ADAMTSL1: variants seen among roughly 807,000 people sequenced by gnomAD.
ADAMTSL1 encodes the protein ADAMTS-like protein 1.
ADAMTSL1 carries 126 observed loss-of-function variants against 201.8 expected under a neutral mutation model. The ratio of observed to expected loss-of-function variants is 0.62; its 90% CI spans 0.54 to 0.72. ADAMTSL1 has a LOEUF of 0.72. ADAMTSL1 is among the 30% of genes least tolerant of loss of function. The probability of loss-of-function intolerance (pLI) is 0.00; values close to 1 mark genes in which losing one functional copy is unlikely to be tolerated. For missense variants in ADAMTSL1, 2,679 were observed against 2,277.8 expected (o/e 1.18, Z -3.59); for synonymous variants, 1,121 against 903.4 (o/e 1.24, Z -4.32).
chr9:18,598,352 G>A (rs1824405437), intron 4 of ADAMTSL1, among the ~76,000 whole-genome samples: 1 of 152,176 alleles, frequency 6.6e-6, no homozygotes, highest in South Asian at 2.1e-4. Context: ...GGGTCTTCTG[G>A]CTCCAAGTCC....
At chr9:18,626,381 A>T (rs1182933347) in intron 5 of ADAMTSL1, among the ~76,000 whole-genome samples, 1 of 152,190 alleles carries the variant, frequency 6.6e-6, no homozygotes, top group Non-Finnish European at 1.5e-5. Flanking sequence ...TTAAACAAGG[A>T]TCTAAGGGAA....
At chr9:18,829,798 G>A (rs1824858918) in intron 22 of ADAMTSL1, 45 bp from the exon 23 acceptor site, 1 of 1,612,102 alleles carries the variant, frequency 6.2e-7, no homozygotes, top group Non-Finnish European at 8.5e-7. Flanking sequence ...CCTTGACACA[G>A]CCCTGTGCTT....
rs1368672138 is a variant in ADAMTSL1 at position 18,199,026 on chromosome 9, G to A, written c.207+35045G>A. Among the ~76,000 whole-genome samples the A allele has an allele frequency of 9.6e-4, 139 of 144,310 alleles. 1 individual carries two copies. The highest frequency in any genetic ancestry group is 2.3e-3 in the Admixed American group (31 of 13,766). The allele number at this position is 144,310 out of a possible 152,430, so 94.7% of individuals were successfully genotyped here. On this transcript the variant is annotated intron_variant, in intron 2 of 29. Coordinates refer to the ADAMTSL1 transcript ENST00000680146. ...TCGCAAGAACAAAAAACCAAACACC[G>A]CATATTCTCACTCATAGGTGGGAAT...
At chr9:18,821,748 T>G (rs1295361485) in intron 21 of ADAMTSL1, among the ~76,000 whole-genome samples, 1 of 152,054 alleles carries the variant, frequency 6.6e-6, no homozygotes, top group Non-Finnish European at 1.5e-5. Flanking sequence ...CCTCCACACC[T>G]CCTAGGAAGC....
chr9:18,003,504 A>G (rs1424373109), intron 1 of ADAMTSL1, among the ~76,000 whole-genome samples: 1 of 152,028 alleles, frequency 6.6e-6, no homozygotes, highest in Non-Finnish European at 1.5e-5. Flanking sequence ...TTTCTTTCCC[A>G]TCGGCATGAC....
intron 1 of ADAMTSL1, among the ~76,000 whole-genome samples, chr9:18,155,826 G>T (rs925207489): frequency 2.6e-5 from 4 of 151,948 alleles, no homozygotes; most frequent in Non-Finnish European, 1.5e-5. Flanking sequence ...ATAGTACTTG[G>T]GTCAAAAGAA....
Position 18,235,657 on chromosome 9 carries a change from C to T in ADAMTSL1, c.207+71676C>T, listed in dbSNP as rs370473942. 3.9e-5 allele frequency among the ~76,000 whole-genome samples: 6 copies of T among 152,222 alleles called. No individual in the cohort carries two copies. In the East Asian group the frequency reaches 1.2e-3, roughly 29 times the overall value. ...TTCCATTTTATAGGTGGGGAAAACCCCACCCATGTTAAGAGAGGTTCTATA... is the reference window on the plus strand; with the variant it reads ...TTCCATTTTATAGGTGGGGAAAACCTCACCCATGTTAAGAGAGGTTCTATA... On this transcript the variant is annotated intron_variant, in intron 2 of 29. Coordinates refer to the ADAMTSL1 transcript ENST00000680146.
At position 18,777,135 on chromosome 9, in the gene ADAMTSL1, C is replaced by A. The variant is rs1369026244; in HGVS notation, c.2906C>A (p.Ala969Asp). Residue 969 changes from alanine (A) to aspartate (D), a missense_variant, in exon 19 of 29, where the codon GCC (alanine) becomes GAC (aspartate). Physicochemically the swap from Ala to Asp is moderately radical, Grantham distance 126. Coordinates refer to ENST00000380548, the MANE Select transcript of ADAMTSL1 (RefSeq NM_001040272.6). The part of the protein sequence containing the change: ...KLIGGNRKLV[A>D]RPLSPRSEEE... Reference sequence around the variant, plus strand: ...ATCGGAGGCAACCGCAAGCTCGTGGCCCGGCCCTTGAGCCCGAGAAGTGAG... The same window carrying A: ...ATCGGAGGCAACCGCAAGCTCGTGGACCGGCCCTTGAGCCCGAGAAGTGAG... 1 of 1,613,042 alleles carries A rather than the reference C, an allele frequency of 6.2e-7. No homozygotes were observed. Among genetic ancestry groups the A allele is most frequent in the Non-Finnish European group, 8.5e-7 (1 of 1,179,840 alleles).
intron 20 of ADAMTSL1, among the ~76,000 whole-genome samples, chr9:18,816,720 CTTTTTTTTTTTTTTT>C (rs751791974): frequency 1.3e-4 from 5 of 39,720 alleles, no homozygotes; most frequent in African/African-American, 2.1e-4. Flanking sequence ...AACCCTTGGT[CTTTTTTTTTTTTTTT>C]TTTTTTTTTT....
intron 7 of ADAMTSL1, among the ~76,000 whole-genome samples, chr9:18,643,817 C>A (rs982226467): frequency 3.3e-4 from 50 of 151,692 alleles, no homozygotes; most frequent in African/African-American, 1.2e-3. Flanking sequence ...TCGTATGATG[C>A]CTTTATCTTT....
chr9:18,658,123 C>T lies in ADAMTSL1; in HGVS notation c.946+373C>T, dbSNP rs1407530323. Among the ~76,000 whole-genome samples the T allele has an allele frequency of 3.9e-5, 6 of 152,100 alleles. No individual in the cohort carries two copies. The East Asian group carries it at 5.8e-4, about 15-fold the overall frequency. Reference sequence around the variant, plus strand: ...CTGAGTAGCTGGGACTGCAGGCGCCCGCCACCACGCCCGGCTAATTTTTTG... The same window carrying T: ...CTGAGTAGCTGGGACTGCAGGCGCCTGCCACCACGCCCGGCTAATTTTTTG... On this transcript the variant is annotated intron_variant, in intron 8 of 28. Coordinates refer to ENST00000380548, the MANE Select transcript of ADAMTSL1 (RefSeq NM_001040272.6).
At chr9:17,911,820 T>C (rs10963334) in intron 1 of ADAMTSL1, among the ~76,000 whole-genome samples, 22,451 of 51,540 alleles carry the variant, frequency 0.44, 9,676 homozygotes, top group Non-Finnish European at 0.83. Flanking sequence ...TATCTCCTAA[T>C]GCTATCCCTT....
chr9:18,571,893 A>G (rs1822327512), intron 3 of ADAMTSL1, among the ~76,000 whole-genome samples: 1 of 152,216 alleles, frequency 6.6e-6, no homozygotes, highest in Admixed American at 6.5e-5. Flanking sequence ...CTTGTGTTAA[A>G]CATTTAAAGT....
chr9:18,814,693 T>C (rs977296113), intron 20 of ADAMTSL1, among the ~76,000 whole-genome samples: 54 of 151,982 alleles, frequency 3.6e-4, no homozygotes, highest in African/African-American at 1.3e-3. Context: ...TGAGAACACG[T>C]GGACACAGAG....
At chr9:18,161,474 C>T (rs536819211) in intron 1 of ADAMTSL1, among the ~76,000 whole-genome samples, 1 of 152,118 alleles carries the variant, frequency 6.6e-6, no homozygotes, top group East Asian at 1.9e-4. Flanking sequence ...AGAAATGTTT[C>T]ATAAAATATG....
intron 23 of ADAMTSL1, among the ~76,000 whole-genome samples, chr9:18,852,268 G>A (rs1195739312): frequency 6.6e-6 from 1 of 152,186 alleles, no homozygotes; most frequent in African/African-American, 2.4e-5. Flanking sequence ...TTGTTAAAAT[G>A]GAGGCAATAA....
chr9:18,735,093 T>C (rs1818428263), intron 15 of ADAMTSL1, among the ~76,000 whole-genome samples: 1 of 152,220 alleles, frequency 6.6e-6, no homozygotes, highest in Non-Finnish European at 1.5e-5. Flanking sequence ...ATAGCTTTCA[T>C]GTGTTCTCCA....
intron 1 of ADAMTSL1, among the ~76,000 whole-genome samples, chr9:18,011,098 C>G (rs1467012575): frequency 2.0e-5 from 3 of 151,826 alleles, no homozygotes; most frequent in African/African-American, 7.3e-5. Flanking sequence ...ATAAGAAAAC[C>G]TCAGAAAATG....
intron 2 of ADAMTSL1, among the ~76,000 whole-genome samples, chr9:18,429,097 G>A (rs1265381325): frequency 6.6e-6 from 1 of 152,074 alleles, no homozygotes; most frequent in Non-Finnish European, 1.5e-5. Flanking sequence ...TTAGTTCATA[G>A]CATTTCTGAG....
Sources: allele counts gnomAD v4.1 joint callset (sites outside exome capture counted in the v4.1 genomes callset), GRCh38; gene constraint gnomAD v4.1.1; transcripts MANE v1.5; gene names NCBI Gene and HGNC (gene_info 2026-07-23, HGNC 2026-07-21).